Variants in ADGRD1 observed in about 807,000 individuals in gnomAD.
The protein encoded by ADGRD1 is G-protein coupled receptor 133.
In ADGRD1, 77 loss-of-function variants were observed where a neutral mutation model predicts 113.4. The ratio of observed to expected loss-of-function variants is 0.68; its 90% CI spans 0.57 to 0.82. The LOEUF (loss-of-function observed/expected upper bound fraction) is 0.82, where lower values mean the gene tolerates loss of function less well. ADGRD1 is among the 40% of genes least tolerant of loss of function. The pLI is 0.00. For missense variants in ADGRD1, 1,036 were observed against 1,139.1 expected (o/e 0.91, Z 1.30); for synonymous variants, 474 against 475.0 (o/e 1.00, Z 0.03).
At chr12:130,982,677 G>A (rs750890423) in intron 5 of ADGRD1, among the ~76,000 whole-genome samples, 7 of 152,218 alleles carry the variant, frequency 4.6e-5, no homozygotes, top group Non-Finnish European at 1.0e-4. Flanking sequence ...TGGACTGTGC[G>A]TGGTCTTGGA....
chr12:131,026,903 A>G (rs1364553036), intron 13 of ADGRD1: 2 of 152,210 alleles, frequency 1.3e-5, no homozygotes, highest in African/African-American at 2.4e-5. Context: ...CCTTGTAACC[A>G]TAATTTGGCT....
intron 15 of ADGRD1, among the ~76,000 whole-genome samples, chr12:131,087,251 G>A (rs868202132): frequency 6.6e-6 from 1 of 152,306 alleles, no homozygotes; most frequent in Middle Eastern, 3.4e-3. Flanking sequence ...GCCTCACTTT[G>A]TGGCCCAGGC....
At chr12:131,106,260 C>T (rs534670129) in intron 17 of ADGRD1, among the ~76,000 whole-genome samples, 9 of 152,334 alleles carry the variant, frequency 5.9e-5, no homozygotes, top group African/African-American at 1.7e-4. Flanking sequence ...CAGACCAAGA[C>T]TCTTATTGGC....
intron 6 of ADGRD1, chr12:130,987,680 T>C (rs1873871041): frequency 2.8e-6 from 1 of 351,926 alleles, no homozygotes; most frequent in South Asian, 2.9e-5. Context: ...GTTAGCCGTG[T>C]GCCTCCCAGG....
At chr12:130,968,815 G>A (rs1282222512) in intron 3 of ADGRD1, 2 of 601,574 alleles carry the variant, frequency 3.3e-6, no homozygotes, top group Non-Finnish European at 5.9e-6. Flanking sequence ...GTAAACAAGG[G>A]TGGTGGAGGC....
At chr12:131,101,363 C>CTTTTTTTTTTTTTTTTTTTTTTT (rs1950071896) in intron 15 of ADGRD1, among the ~76,000 whole-genome samples, 1 of 98,498 alleles carries the variant, frequency 1.0e-5, no homozygotes, top group African/African-American at 3.9e-5. Context: ...TATTTTTTTT[C>CTTTTTTTTTTTTTTTTTTTTTTT]TTTTTCTTTC....
At chr12:131,085,748 G>T (rs1207627382) in intron 15 of ADGRD1, among the ~76,000 whole-genome samples, 1 of 152,230 alleles carries the variant, frequency 6.6e-6, no homozygotes, top group African/African-American at 2.4e-5. Context: ...CGATCTGTTG[G>T]ATGCTGGGCT....
At position 130,971,255 on chromosome 12, in the gene ADGRD1, A is replaced by G. The variant is rs949040095; in HGVS notation, c.188-203A>G. 3 of 265,452 alleles carry G rather than the reference A, an allele frequency of 1.1e-5. No individual in the cohort carries two copies. Among genetic ancestry groups the G allele is most frequent in the African/African-American group, 6.8e-5 (3 of 44,002 alleles). 16.4% of individuals were successfully genotyped at this position (265,452 alleles called of 1,614,324 possible). A position where few individuals can be genotyped will look rare whatever the true frequency, so the allele number is the denominator to read the frequency against. Reference sequence around the variant, plus strand: ...TATTAAATTTTTATCTGACATACACATTAATAATTTACAATTTAATTACTA... The same window carrying G: ...TATTAAATTTTTATCTGACATACACGTTAATAATTTACAATTTAATTACTA... On this transcript the variant is annotated intron_variant, in intron 3 of 24. Coordinates refer to ENST00000261654, the MANE Select transcript of ADGRD1 (RefSeq NM_198827.5). This position sits in a 1 kb window ranked among gnomAD's most constrained non-coding sequence, Gnocchi z 4.2.
intron 13 of ADGRD1, among the ~76,000 whole-genome samples, chr12:131,044,359 G>C (rs1741500064): frequency 6.6e-6 from 1 of 152,252 alleles, no homozygotes; most frequent in South Asian, 2.1e-4. Context: ...GTTGCTGTCC[G>C]GCTCCCAGGA....
intron 20 of ADGRD1, 23 bp downstream of exon 20, chr12:131,120,936 C>T (rs200743681): frequency 4.5e-5 from 73 of 1,609,242 alleles, no homozygotes; most frequent in African/African-American, 1.7e-4. Context: ...CCCTTGTGGG[C>T]GCAGAGCGGG....
rs142592413 is a variant in ADGRD1 at position 131,018,508 on chromosome 12, C to T, written c.1473+4168C>T. Among the ~76,000 whole-genome samples, 129 of 152,102 alleles carry T rather than the reference C, an allele frequency of 8.5e-4. 1 individual carries two copies. In the Middle Eastern group the frequency reaches 0.014, roughly 16 times the overall value. ...GCTCCACCTCGGGTCGGCCGCCTCA[C>T]GCAGCGCTTCCCTCGTGCTGCCCCA... On this transcript the variant is annotated intron_variant, in intron 13 of 24. Transcript: ENST00000261654.
At chr12:131,131,648 C>A in intron 20 of ADGRD1, 77 bp from the exon 21 acceptor site, 1 of 991,108 alleles carries the variant, frequency 1.0e-6, no homozygotes. Flanking sequence ...GTGGTGAGGG[C>A]AGTGGCCAGG....
At chr12:131,088,735 G>T (rs1886682044) in intron 15 of ADGRD1, among the ~76,000 whole-genome samples, 1 of 152,192 alleles carries the variant, frequency 6.6e-6, no homozygotes, top group Non-Finnish European at 1.5e-5. Context: ...CAGCCCGCTG[G>T]TGTGGCGGGG....
chr12:131,080,917 G>A (rs61939667), intron 14 of ADGRD1, among the ~76,000 whole-genome samples: 12,776 of 152,274 alleles, frequency 0.084, 719 homozygotes, highest in Non-Finnish European at 0.12. Context: ...ACTGCACCCG[G>A]CCTAGTTTTA....
intron 14 of ADGRD1, among the ~76,000 whole-genome samples, chr12:131,083,669 C>T (rs190641953): frequency 7.2e-5 from 11 of 152,110 alleles, no homozygotes; most frequent in Admixed American, 7.2e-4. Context: ...TGATATTCAC[C>T]AATATTCACA....
At chr12:131,004,392 G>GCTGCGGTGCTCCCCAGGGCCGC in intron 11 of ADGRD1, 96 bp downstream of exon 11, 1 of 790,718 alleles carries the variant, frequency 1.3e-6, no homozygotes, top group Non-Finnish European at 2.1e-6. Flanking sequence ...GCGCCAGGGA[G>GCTGCGGTGCTCCCCAGGGCCGC]CTGCGGTGCT....
intron 15 of ADGRD1, among the ~76,000 whole-genome samples, chr12:131,094,074 A>C (rs912897314): frequency 6.8e-6 from 1 of 147,520 alleles, no homozygotes; most frequent in Non-Finnish European, 1.5e-5. Context: ...CTCGGCACCC[A>C]GCCCTGAGCA....
chr12:131,042,888 G>A (rs1882281053), intron 13 of ADGRD1, among the ~76,000 whole-genome samples: 1 of 152,234 alleles, frequency 6.6e-6, no homozygotes, highest in Admixed American at 6.5e-5. Context: ...TCTGCACTAG[G>A]GCCTGCGGGC....
intron 8 of ADGRD1, among the ~76,000 whole-genome samples, chr12:131,000,019 G>C (rs1452368542): frequency 6.6e-6 from 1 of 152,110 alleles, no homozygotes; most frequent in Non-Finnish European, 1.5e-5. Flanking sequence ...CCCAAGAAAA[G>C]CGCATCCAGC....
Sources: allele counts gnomAD v4.1 joint callset (sites outside exome capture counted in the v4.1 genomes callset), GRCh38; gene constraint gnomAD v4.1.1; non-coding constraint Gnocchi (gnomAD v3.1); transcripts MANE v1.5; gene names NCBI Gene and HGNC (gene_info 2026-07-23, HGNC 2026-07-21).